Variants in GABBR2 observed in about 807,000 individuals in gnomAD.
GABBR2 encodes G-protein coupled receptor 51.
Under a neutral mutation model 105.6 loss-of-function variants are expected in GABBR2, and 23 were observed. The ratio of observed to expected loss-of-function variants is 0.22; its 90% confidence interval spans 0.16 to 0.31. GABBR2 has a LOEUF of 0.31. GABBR2 is among the 10% of genes least tolerant of loss of function. GABBR2 has a pLI of 1.00. For synonymous variants in GABBR2, 478 were observed against 499.7 expected, an observed-to-expected ratio of 0.96 and a Z score of 0.58; for missense variants, 734 against 1,245.5, an observed-to-expected ratio of 0.59 and a Z score of 6.18.
chr9:98,501,112 A>G, intron 3 of GABBR2, among the ~76,000 whole-genome samples: 1 of 150,088 alleles, frequency 6.7e-6, no homozygotes, highest in Non-Finnish European at 1.5e-5. Context: ...GGTGATTAAG[A>G]CTAGGAACCA....
In GABBR2 at chr9:98,288,422, T is replaced by C. The variant is rs1830233232; in HGVS notation, c.*2162A>G. On this transcript the variant is annotated 3_prime_UTR_variant, in exon 19 of 19. Transcript: ENST00000259455. Reference sequence around the variant, plus strand: ...AGAGAATGTACTTCGTGAGTTAACCTAGAAGACAGCGCACGCTCAGGAGTC... The same window carrying C: ...AGAGAATGTACTTCGTGAGTTAACCCAGAAGACAGCGCACGCTCAGGAGTC... The C allele has an allele frequency of 6.6e-6, 1 of 152,632 alleles. No homozygotes were observed. Among genetic ancestry groups the C allele is most frequent in the Non-Finnish European group, 1.5e-5 (1 of 68,040 alleles). The allele number at this position is 152,632 out of a possible 1,614,324, so 9.5% of individuals were successfully genotyped here.
intron 7 of GABBR2, among the ~76,000 whole-genome samples, chr9:98,406,618 G>A (rs1039328688): frequency 2.0e-5 from 3 of 152,170 alleles, no homozygotes; most frequent in African/African-American, 7.2e-5. Context: ...TTTCTTATTA[G>A]GAATAGAGAA....
In GABBR2 at chr9:98,299,300, C is replaced by G; in HGVS notation, c.2466G>C (p.Lys822Asn). ...AGTGGTTCTGTTTAATGTAGGTGGTCTTTTCTGGTGTGTCCTGCAGCTGCA... is the reference window on the plus strand; with the variant it reads ...AGTGGTTCTGTTTAATGTAGGTGGTGTTTTCTGGTGTGTCCTGCAGCTGCA... Reference protein sequence around the residue: ...VTMQLQDTPEKTTYIKQNHYQ... With the variant: ...VTMQLQDTPENTTYIKQNHYQ... The change falls in exon 17 of 19, where the codon AAG becomes AAC. Residue 822 changes from lysine (K) to asparagine (N), a missense_variant. Lys to Asn is a moderately conservative substitution (Grantham distance 94). Transcript: ENST00000259455. The G allele has an allele frequency of 6.2e-7, 1 of 1,613,986 alleles. No individual in the cohort carries two copies.
At chr9:98,699,384 C>T (rs1435952293) in intron 1 of GABBR2, among the ~76,000 whole-genome samples, 2 of 152,014 alleles carry the variant, frequency 1.3e-5, no homozygotes, top group East Asian at 3.9e-4. Flanking sequence ...CCCCCAAAAG[C>T]ACTAAATAAT....
At chr9:98,331,667 T>A (rs1831028638) in intron 13 of GABBR2, among the ~76,000 whole-genome samples, 1 of 152,168 alleles carries the variant, frequency 6.6e-6, no homozygotes, top group South Asian at 2.1e-4. Flanking sequence ...GTCTCTCTAG[T>A]GGCTCTATGG....
intron 3 of GABBR2, among the ~76,000 whole-genome samples, chr9:98,530,130 C>T (rs1024493927): frequency 2.0e-5 from 3 of 152,168 alleles, no homozygotes; most frequent in East Asian, 1.9e-4. Flanking sequence ...CCAAGAGGAC[C>T]GGCAGAAACA....
At chr9:98,465,850 G>C (rs1243855084) in intron 6 of GABBR2, among the ~76,000 whole-genome samples, 1 of 152,182 alleles carries the variant, frequency 6.6e-6, no homozygotes, top group African/African-American at 2.4e-5. Context: ...AATCTTCCCT[G>C]GTATGGTTTG....
At chr9:98,617,715 G>A (rs1321606092) in intron 1 of GABBR2, among the ~76,000 whole-genome samples, 1 of 152,096 alleles carries the variant, frequency 6.6e-6, no homozygotes, top group East Asian at 1.9e-4. Context: ...GTGAATGCAG[G>A]AGACCTAGGC....
At chr9:98,655,662 A>C (rs1224342333) in intron 1 of GABBR2, among the ~76,000 whole-genome samples, 2 of 152,248 alleles carry the variant, frequency 1.3e-5, no homozygotes, top group East Asian at 3.8e-4. Context: ...AGCCATAAAA[A>C]AGGATGAGTT....
chr9:98,307,504 C>T (rs1047295504), intron 14 of GABBR2, among the ~76,000 whole-genome samples: 7 of 152,162 alleles, frequency 4.6e-5, no homozygotes, highest in Admixed American at 3.9e-4. Context: ...CAGCTTCAGG[C>T]GTCTGACAGC....
chr9:98,707,730 G>GC (rs763074620), intron 1 of GABBR2, among the ~76,000 whole-genome samples: 1 of 152,224 alleles, frequency 6.6e-6, no homozygotes. Flanking sequence ...GACGAGAACT[G>GC]CCAGGGCACT....
chr9:98,470,321 C>G (rs992582800), intron 6 of GABBR2, among the ~76,000 whole-genome samples: 2 of 152,180 alleles, frequency 1.3e-5, no homozygotes, highest in African/African-American at 4.8e-5. Context: ...ACTCACAGTT[C>G]CAGGTGGCTG....
At chr9:98,627,952 C>T (rs1337520315) in intron 1 of GABBR2, among the ~76,000 whole-genome samples, 1 of 152,176 alleles carries the variant, frequency 6.6e-6, no homozygotes, top group Non-Finnish European at 1.5e-5. Flanking sequence ...TGGACATAGG[C>T]AGCCAGACTT....
intron 8 of GABBR2, among the ~76,000 whole-genome samples, chr9:98,395,411 T>A (rs944706457): frequency 7.3e-5 from 11 of 150,310 alleles, no homozygotes; most frequent in Non-Finnish European, 1.6e-4. Context: ...AGGGGAGAGG[T>A]GTGGCTGGGG....
intron 18 of GABBR2, among the ~76,000 whole-genome samples, chr9:98,293,316 A>T (rs770079505): frequency 8.5e-5 from 13 of 152,160 alleles, no homozygotes; most frequent in Non-Finnish European, 1.9e-4. Context: ...ATTGTTTGAC[A>T]TGCCACTTCT....
In GABBR2 at chr9:98,496,475, T is replaced by C. The variant is rs144985640; in HGVS notation, c.670A>G (p.Ile224Val). Residue 224 changes from isoleucine to valine, a missense_variant, in exon 4 of 19, where the codon ATT becomes GTT. Coordinates refer to ENST00000259455, the MANE Select transcript of GABBR2 (RefSeq NM_005458.8). Reference protein sequence around the residue: ...DLTGVLYGEDIEISDTESFSN... With the variant: ...DLTGVLYGEDVEISDTESFSN... ...AAGCTCTCGGTGTCTGAAATCTCAA[T>C]GTCCTCGCCATACAGAACTCCAGTC... 61 of 1,613,260 alleles carry C rather than the reference T, an allele frequency of 3.8e-5. No homozygotes were observed. The Middle Eastern group carries it at 8.2e-4, about 22-fold the overall frequency.
At chr9:98,375,812 T>C (rs1250447848) in intron 11 of GABBR2, among the ~76,000 whole-genome samples, 3 of 152,208 alleles carry the variant, frequency 2.0e-5, no homozygotes, top group Non-Finnish European at 4.4e-5. Flanking sequence ...TTTCATTTAA[T>C]GACATCCCAG....
intron 1 of GABBR2, among the ~76,000 whole-genome samples, chr9:98,616,563 G>C (rs1829587130): frequency 6.6e-6 from 1 of 152,098 alleles, no homozygotes; most frequent in Non-Finnish European, 1.5e-5. Flanking sequence ...ATACCAGCCT[G>C]GCCAACATGG....
chr9:98,606,331 T>C (rs1426849432), intron 1 of GABBR2, among the ~76,000 whole-genome samples: 1 of 152,172 alleles, frequency 6.6e-6, no homozygotes, highest in African/African-American at 2.4e-5. Context: ...TAGTTCTAGA[T>C]CCCTGAGGAA....
Sources: allele counts gnomAD v4.1 joint callset (sites outside exome capture counted in the v4.1 genomes callset), GRCh38; gene constraint gnomAD v4.1.1; transcripts MANE v1.5; gene names NCBI Gene and HGNC (gene_info 2026-07-23, HGNC 2026-07-21).